The following FSIP2 variants were observed in gnomAD, a reference collection of about 807,000 sequenced individuals.
FSIP2 encodes the protein fibrous sheath interacting protein 2, also known as fibrous sheath-interacting protein 2.
FSIP2 carries 367 observed loss-of-function variants against 510.5 expected under a neutral mutation model. The ratio of observed to expected loss-of-function variants is 0.72; its 90% CI spans 0.66 to 0.78. FSIP2 has a LOEUF of 0.78. FSIP2 is among the 30% of genes least tolerant of loss of function. The pLI is 0.00. For missense variants in FSIP2, 7,594 were observed against 7,901.7 expected (o/e 0.96, Z 1.48); for synonymous variants, 2,601 against 2,732.2 (o/e 0.95, Z 1.50).
chr2:185,790,365 C>T lies in FSIP2; in HGVS notation c.3229C>T (p.His1077Tyr), dbSNP rs199945866. Residue 1077 changes from histidine to tyrosine, a missense_variant, in exon 16 of 23, where the codon CAT becomes TAT. Coordinates refer to ENST00000424728, the MANE Select transcript of FSIP2 (RefSeq NM_173651.4). ...ELKTEPPSTN[H>Y]EDILKKKLSS... is the part of the protein sequence containing the mutation. ...AAAGACTGAGCCACCATCTACTAATCATGAAGATATTTTAAAGAAAAAACT... is the reference window on the plus strand; with the variant it reads ...AAAGACTGAGCCACCATCTACTAATTATGAAGATATTTTAAAGAAAAAACT... 4.4e-4 allele frequency: 667 copies of T among 1,529,858 alleles called. 4 individuals are homozygous for T. The South Asian group carries it at 5.6e-3, about 13-fold the overall frequency. The allele number at this position is 1,529,858 out of a possible 1,614,324, so 94.8% of individuals were successfully genotyped here.
Position 185,791,126 on chromosome 2 carries a change from T to A in FSIP2, c.3990T>A (p.Asp1330Glu). The change falls in exon 16 of 23, where the codon GAT becomes GAA. Residue 1330 changes from aspartate (D) to glutamate (E), a missense_variant. By Grantham distance (45) the Asp-to-Glu change is conservative. Transcript: ENST00000424728. ...REIDHTKSLTDKGFFANTDKK... is the reference protein window; with the variant it reads ...REIDHTKSLTEKGFFANTDKK... Reference sequence around the variant, plus strand: ...TTGACCATACCAAATCCCTTACAGATAAAGGATTTTTTGCTAATACTGATA... The same window carrying A: ...TTGACCATACCAAATCCCTTACAGAAAAAGGATTTTTTGCTAATACTGATA... 2 of 1,532,768 alleles carry A rather than the reference T, an allele frequency of 1.3e-6. No homozygotes were observed. Among genetic ancestry groups the A allele is most frequent in the Non-Finnish European group, 1.7e-6 (2 of 1,144,838 alleles). The allele number at this position is 1,532,768 out of a possible 1,614,324, so 94.9% of individuals were successfully genotyped here. A position where few individuals can be genotyped will look rare whatever the true frequency, so the allele number is the denominator to read the frequency against.
In FSIP2 at chr2:185,796,838, G is replaced by A. The variant is rs988613192; in HGVS notation, c.9702G>A (p.Ser3234=). The A allele has an allele frequency of 3.5e-5, 54 of 1,534,998 alleles. No homozygotes were observed. The Admixed American group carries it at 4.1e-4, about 12-fold the overall frequency. The change falls in exon 16 of 23, where the codon TCG becomes TCA. Residue 3234 remains serine (S), a synonymous_variant. Transcript: ENST00000424728. ...GGCCTGATTCAGAAACTATGCCATC[G>A]TGTTCTACTAGAAACAAAGTACAAG... ...TKRPDSETMP[S]CSTRNKVQDH... is the part of the protein sequence containing the mutation.
Position 185,738,819 on chromosome 2 carries a change from C to T in FSIP2, c.-76C>T, listed in dbSNP as rs927858479. ...GGCTCTGGCCATTCCTGGTCAGGTC[C>T]GGACAGAGGGACAACGGGGTGCTAG... On this transcript the variant is annotated 5_prime_UTR_variant, in exon 1 of 23. Coordinates refer to ENST00000424728, the MANE Select transcript of FSIP2 (RefSeq NM_173651.4). 2.0e-6 allele frequency: 3 copies of T among 1,535,880 alleles called. No individual in the cohort carries two copies. Among genetic ancestry groups the T allele is most frequent in the South Asian group, 1.2e-5 (1 of 84,048 alleles).
At chr2:185,756,716 A>G (rs75598540) in intron 9 of FSIP2, among the ~76,000 whole-genome samples, 16 of 151,460 alleles carry the variant, frequency 1.1e-4, no homozygotes, top group Non-Finnish European at 2.2e-4. Context: ...GTTGTTCATT[A>G]GAGCTCATTG....
chr2:185,764,456 ATT>A (rs751012789), intron 12 of FSIP2, 44 bp from the exon 13 acceptor site: 2 of 1,254,048 alleles, frequency 1.6e-6, no homozygotes, highest in Non-Finnish European at 2.2e-6. Flanking sequence ...GAGTCCTAAA[ATT>A]TTTTTTTGTG....
intron 20 of FSIP2, among the ~76,000 whole-genome samples, chr2:185,825,128 A>T (rs1248608071): frequency 1.3e-5 from 2 of 151,816 alleles, no homozygotes; most frequent in Non-Finnish European, 2.9e-5. Flanking sequence ...ACATGCAACC[A>T]ATTCAACAAA....
intron 21 of FSIP2, among the ~76,000 whole-genome samples, chr2:185,829,126 A>G (rs934370194): frequency 1.7e-4 from 26 of 151,880 alleles, no homozygotes; most frequent in African/African-American, 6.0e-4. Flanking sequence ...GCTCTAATCT[A>G]AGAACCTATT....
In FSIP2 at chr2:185,794,717, GA is replaced by G. The variant is rs1165521147; in HGVS notation, c.7586del (p.Asn2529ThrfsTer10). 1.3e-6 allele frequency: 2 copies of G among 1,534,056 alleles called. No homozygotes were observed. Among genetic ancestry groups the G allele is most frequent in the Non-Finnish European group, 1.7e-6 (2 of 1,145,556 alleles). On this transcript the variant is annotated frameshift_variant, in exon 16 of 23. Transcript: ENST00000424728. LOFTEE classifies it high-confidence loss of function. Reference protein sequence around the residue: ...SKIKTSDTTQKNSFQSHINSV... With the variant: ...SKIKTSDTTQXNSFQSHINSV... ...AGATTAAAACATCAGACACAACACA[GA>G]AAAACAGTTTTCAATCACATATTAA...
intron 13 of FSIP2, among the ~76,000 whole-genome samples, chr2:185,778,149 T>TCCTATAATATATCCTA (rs1386781271): frequency 1.3e-5 from 2 of 152,020 alleles, no homozygotes; most frequent in South Asian, 4.1e-4. Context: ...ATCCTATTTA[T>TCCTATAATATATCCTA]TTAGATGAGA....
chr2:185,754,116 G>A (rs1044875672), intron 8 of FSIP2, among the ~76,000 whole-genome samples: 3 of 151,258 alleles, frequency 2.0e-5, no homozygotes, highest in Admixed American at 1.3e-4. Context: ...TTACTAAAAT[G>A]ATACAAACTT....
At chr2:185,745,749 G>A (rs1692016417) in intron 5 of FSIP2, among the ~76,000 whole-genome samples, 181 bp downstream of exon 5, 1 of 152,134 alleles carries the variant, frequency 6.6e-6, no homozygotes, top group African/African-American at 2.4e-5. Flanking sequence ...GGTTAGGGTT[G>A]CTGGACGCCC....
intron 21 of FSIP2, 86 bp from the exon 22 acceptor site, chr2:185,831,727 T>C (rs1270989260): frequency 2.5e-6 from 2 of 798,296 alleles, no homozygotes; most frequent in Non-Finnish European, 2.2e-6. Flanking sequence ...TTTATAGGTA[T>C]ATCTAGTGGA....
chr2:185,789,565 C>T lies in FSIP2; in HGVS notation c.2429C>T (p.Pro810Leu). The change falls in exon 16 of 23, where the codon CCT becomes CTT. Residue 810 changes from proline to leucine, a missense_variant. By Grantham distance (98) the Pro-to-Leu change is moderately conservative. Transcript: ENST00000424728. ...SNGKPLKNSM[P>L]HTLDPMCDIA... ...GGAAAACCTTTGAAAAATTCAATGC[C>T]TCATACTTTGGACCCAATGTGTGAT... 2 of 1,534,772 alleles carry T rather than the reference C, an allele frequency of 1.3e-6. No homozygotes were observed. Among genetic ancestry groups the T allele is most frequent in the South Asian group, 2.4e-5 (2 of 84,034 alleles).
chr2:185,777,663 T>C (rs1348573091), intron 13 of FSIP2, among the ~76,000 whole-genome samples: 3 of 152,136 alleles, frequency 2.0e-5, no homozygotes, highest in African/African-American at 4.8e-5. Flanking sequence ...AAGGCTATCA[T>C]ATTTTTTTGT....
At position 185,804,178 on chromosome 2, in the gene FSIP2, T is replaced by A. The variant is rs1035005015; in HGVS notation, c.14872T>A (p.Cys4958Ser). The A allele has an allele frequency of 6.6e-7, 1 of 1,511,860 alleles. No homozygotes were observed. Among genetic ancestry groups the A allele is most frequent in the South Asian group, 1.3e-5 (1 of 79,666 alleles). The allele number at this position is 1,511,860 out of a possible 1,614,324, so 93.7% of individuals were successfully genotyped here. ...GGAGGAAGTAATTTCTGAGCTCTTA[T>A]GCAAAATTCTTTATGCATTTTCACA... ...FLEEVISELL[C>S]KILYAFSHNM... is the part of the protein sequence containing the mutation. The change falls in exon 17 of 23, where the codon TGC becomes AGC. Residue 4958 changes from cysteine (C) to serine (S), a missense_variant. Physicochemically the swap from Cys to Ser is moderately radical, Grantham distance 112 (BLOSUM62 -1). Coordinates refer to ENST00000424728, the MANE Select transcript of FSIP2 (RefSeq NM_173651.4).
chr2:185,791,096 G>A lies in FSIP2; in HGVS notation c.3960G>A (p.Arg1320=). The change falls in exon 16 of 23, where the codon AGG becomes AGA. Residue 1320 remains arginine, a synonymous_variant. Transcript: ENST00000424728. ...LELHKENLNL[R]EIDHTKSLTD... The stretch of plus-strand genomic sequence containing the variant: ...TTCACAAGGAAAACCTAAATCTTAG[G>A]GAGATTGACCATACCAAATCCCTTA... The A allele has an allele frequency of 6.5e-7, 1 of 1,531,432 alleles. No individual in the cohort carries two copies. 94.9% of individuals were successfully genotyped at this position (1,531,432 alleles called of 1,614,324 possible).
At chr2:185,797,664 G>A (rs1453520682) in intron 16 of FSIP2, 138 bp downstream of exon 16, 2 of 764,444 alleles carry the variant, frequency 2.6e-6, no homozygotes, top group Non-Finnish European at 4.3e-6. Flanking sequence ...GATGACTACT[G>A]AGTTGCACTT....
Position 185,806,555 on chromosome 2 carries a change from AAG to A in FSIP2, c.17257_17258del (p.Glu5753LysfsTer9), listed in dbSNP as rs746881030. 2 of 1,603,862 alleles carry A rather than the reference AAG, an allele frequency of 1.2e-6. No homozygotes were observed. Among genetic ancestry groups the A allele is most frequent in the East Asian group, 2.2e-5 (1 of 44,684 alleles). On this transcript the variant is annotated frameshift_variant, in exon 17 of 23. Coordinates refer to ENST00000424728, the MANE Select transcript of FSIP2 (RefSeq NM_173651.4). LOFTEE classifies it high-confidence loss of function. Reference sequence around the variant, plus strand: ...ATCTCTGCCAAAGAAAAAGAAGAGGAAGAGAGAGAAAAAGAGAAAGTAAGAGA... The same window carrying A: ...ATCTCTGCCAAAGAAAAAGAAGAGGAAGAGAGAAAAAGAGAAAGTAAGAGA...
chr2:185,821,255 A>G (rs1032685010), intron 19 of FSIP2, among the ~76,000 whole-genome samples: 12 of 151,866 alleles, frequency 7.9e-5, no homozygotes, highest in African/African-American at 2.9e-4. Context: ...ATTATGCTAA[A>G]CTATAGTGAA....
Sources: gnomAD v4.1 joint callset for allele counts (sites outside exome capture counted in the v4.1 genomes callset) on GRCh38, gnomAD v4.1.1 for gene constraint, MANE v1.5 for transcripts, NCBI Gene and HGNC (gene_info 2026-07-23, HGNC 2026-07-21) for gene names.